Variants in AFG1L observed in about 807,000 individuals in gnomAD.
The protein encoded by AFG1L is AFG1 like ATPase, also known as AFG1-like ATPase.
A neutral mutation model predicts 62.2 loss-of-function variants in AFG1L; 53 were observed. That is an observed-to-expected ratio of 0.85 (90% CI 0.68 to 1.07). The LOEUF (loss-of-function observed/expected upper bound fraction) is 1.07, where lower values mean the gene tolerates loss of function less well. Ranked by LOEUF, AFG1L falls within the 50% of genes least tolerant of loss-of-function variation. The pLI, the probability that AFG1L is intolerant of heterozygous loss-of-function variation, is 0.00. For synonymous variants in AFG1L, 228 were observed against 210.3 expected (o/e 1.08, Z -0.73); for missense variants, 555 against 590.5 (o/e 0.94, Z 0.62).
intron 8 of AFG1L, among the ~76,000 whole-genome samples, chr6:108,458,129 C>T (rs1772321443): frequency 7.2e-5 from 11 of 152,144 alleles, no homozygotes; most frequent in Admixed American, 7.2e-4. Flanking sequence ...GTGTGGTTTT[C>T]AGCATGTTTC....
chr6:108,383,002 G>T (rs951531349), intron 6 of AFG1L, among the ~76,000 whole-genome samples: 4 of 152,224 alleles, frequency 2.6e-5, no homozygotes, highest in African/African-American at 9.6e-5. Context: ...ACTTTGGAAG[G>T]CCAGGTGGGT....
intron 11 of AFG1L, among the ~76,000 whole-genome samples, chr6:108,516,215 C>G (rs1322575193): frequency 1.3e-5 from 2 of 151,952 alleles, no homozygotes; most frequent in African/African-American, 4.8e-5. Flanking sequence ...GAATTTTAGA[C>G]CAATATCCCT....
intron 10 of AFG1L, among the ~76,000 whole-genome samples, chr6:108,493,281 G>A (rs1490205569): frequency 6.6e-6 from 1 of 152,130 alleles, no homozygotes; most frequent in African/African-American, 2.4e-5. Flanking sequence ...GAGGAGAGTC[G>A]AGCCAGGCTA....
chr6:108,328,570 A>AT (rs1254364165), intron 2 of AFG1L, among the ~76,000 whole-genome samples: 3,505 of 143,448 alleles, frequency 0.024, 92 homozygotes, highest in South Asian at 0.09. Flanking sequence ...AATTTTTTGT[A>AT]TTTTTTTTTT....
chr6:108,446,226 C>T (rs1267566755), intron 7 of AFG1L, among the ~76,000 whole-genome samples: 4 of 152,042 alleles, frequency 2.6e-5, no homozygotes, highest in African/African-American at 4.8e-5. Flanking sequence ...CTTGTGTGCA[C>T]ATATGCACCC....
intron 6 of AFG1L, among the ~76,000 whole-genome samples, chr6:108,399,471 C>G (rs1036252372): frequency 6.6e-6 from 1 of 151,802 alleles, no homozygotes; most frequent in Non-Finnish European, 1.5e-5. Flanking sequence ...CAGGCATGCA[C>G]CACAGCGCCT....
chr6:108,403,477 A>C (rs147462980), intron 7 of AFG1L, among the ~76,000 whole-genome samples: 1 of 152,266 alleles, frequency 6.6e-6, no homozygotes, highest in African/African-American at 2.4e-5. Flanking sequence ...TAGGTTCCCA[A>C]GGATTTTAAT....
rs897097654 is a variant in AFG1L, at chr6:108,486,835, G to A, written c.1062+9543G>A. Among the ~76,000 whole-genome samples, 13 of 152,014 alleles carry A rather than the reference G, an allele frequency of 8.6e-5. No homozygotes were observed. In the East Asian group the frequency reaches 2.5e-3, roughly 29 times the overall value. ...TTCCTGTGCCTCAGCCTCCCAAATA[G>A]CAGGGATTACAGGCACACCTCACCA... On this transcript the variant is annotated intron_variant, in intron 10 of 12. Transcript: ENST00000368977.
intron 2 of AFG1L, among the ~76,000 whole-genome samples, chr6:108,334,118 G>A (rs981833994): frequency 1.3e-5 from 2 of 151,898 alleles, no homozygotes; most frequent in African/African-American, 2.4e-5. Flanking sequence ...AGCAATTCTC[G>A]TGCCTCAGCC....
Position 108,398,788 on chromosome 6 carries a change from A to G in AFG1L, c.749-3208A>G, listed in dbSNP as rs1352973922. ...ATGTGGATTTGTTTCTGGGTTCTCT[A>G]TTTTGTTCTGTTGGTCTATGTGTCT... On this transcript the variant is annotated intron_variant, in intron 6 of 12. Transcript: ENST00000368977. 3.3e-5 allele frequency among the ~76,000 whole-genome samples: 5 copies of G among 151,832 alleles called. No homozygotes were observed. The South Asian group carries it at 8.3e-4, about 25-fold the overall frequency.
chr6:108,492,034 C>T (rs1477800283), intron 10 of AFG1L, among the ~76,000 whole-genome samples: 2 of 152,206 alleles, frequency 1.3e-5, no homozygotes, highest in African/African-American at 2.4e-5. Flanking sequence ...AAGACTTTAA[C>T]GTGTTCAGAA....
At chr6:108,297,061 A>C (rs1776790104) in intron 1 of AFG1L, among the ~76,000 whole-genome samples, 1 of 152,070 alleles carries the variant, frequency 6.6e-6, no homozygotes, top group African/African-American at 2.4e-5. Context: ...AGGTCCATTT[A>C]ATTGTATCTA....
Position 108,335,199 on chromosome 6 carries a change from G to C in AFG1L, c.363+11151G>C, listed in dbSNP as rs555454599. Among the ~76,000 whole-genome samples, 6 of 152,092 alleles carry C rather than the reference G, an allele frequency of 3.9e-5. No individual in the cohort carries two copies. In the South Asian group the frequency reaches 1.2e-3, roughly 32 times the overall value. On this transcript the variant is annotated intron_variant, in intron 2 of 12. Transcript: ENST00000368977. ...TGAGCCAGGCTGGTCTTGAATTCCT[G>C]ACCTGAAGTGATCTTCCTACCTTGG...
chr6:108,418,178 C>G (rs994417125), intron 7 of AFG1L, among the ~76,000 whole-genome samples: 1 of 152,210 alleles, frequency 6.6e-6, no homozygotes, highest in Non-Finnish European at 1.5e-5. Context: ...ACCCTCTGCA[C>G]TGAAAGTATT....
At chr6:108,429,777 T>C (rs1269559480) in intron 7 of AFG1L, among the ~76,000 whole-genome samples, 2 of 152,146 alleles carry the variant, frequency 1.3e-5, no homozygotes, top group Non-Finnish European at 2.9e-5. Context: ...TGATTCCATA[T>C]GAATTTAGGA....
At chr6:108,323,724 C>A in intron 1 of AFG1L, 101 bp from the exon 2 acceptor site, 1 of 753,376 alleles carries the variant, frequency 1.3e-6, no homozygotes, top group Non-Finnish European at 2.2e-6. Context: ...AATAGATATA[C>A]TTGTAACTAG....
chr6:108,444,100 CTATA>C (rs1771664510), intron 7 of AFG1L, among the ~76,000 whole-genome samples: 1 of 146,944 alleles, frequency 6.8e-6, no homozygotes, highest in Admixed American at 6.9e-5. Flanking sequence ...ATCTATCTAT[CTATA>C]TCTGCACAGG....
At chr6:108,316,461 T>C (rs1229774652) in intron 1 of AFG1L, among the ~76,000 whole-genome samples, 3 of 146,822 alleles carry the variant, frequency 2.0e-5, no homozygotes, top group African/African-American at 7.6e-5. Flanking sequence ...TACTCACACA[T>C]AATTTTCTTT....
At chr6:108,318,296 C>T in intron 1 of AFG1L, 1 of 233,076 alleles carries the variant, frequency 4.3e-6, no homozygotes, top group Non-Finnish European at 7.3e-6. Flanking sequence ...CTGTGCTGAG[C>T]TTGAATGCGT....
Sources: gnomAD v4.1 joint callset for allele counts (sites outside exome capture counted in the v4.1 genomes callset) on GRCh38, gnomAD v4.1.1 for gene constraint, MANE v1.5 for transcripts, NCBI Gene and HGNC (gene_info 2026-07-23, HGNC 2026-07-21) for gene names.